The following GPR146 variants were observed in gnomAD, a reference collection of about 807,000 sequenced individuals.
GPR146 encodes G-protein coupled receptor 146.
For missense variants in GPR146, 381 were observed against 213.9 expected, an observed-to-expected ratio of 1.78 and a Z score of -4.87; for synonymous variants, 203 against 104.3, an observed-to-expected ratio of 1.95 and a Z score of -5.77.
Position 1,051,816 on chromosome 7 carries a change from T to C in GPR146, c.-24-5676T>C, listed in dbSNP as rs56257712. 0.018 allele frequency among the ~76,000 whole-genome samples: 2,805 copies of C among 152,190 alleles called. 116 individuals are homozygous for C. The East Asian group carries it at 0.19, about 10-fold the overall frequency. On this transcript the variant is annotated intron_variant, in intron 1 of 1. Transcript: ENST00000444847. ...TAGTGAGACCCTGTCTCAAAAAACG[T>C]TAAATGAAAACATTAGCCAGCTGTA...
chr7:1,050,254 T>C (rs1246586948), intron 1 of GPR146, among the ~76,000 whole-genome samples: 1 of 145,804 alleles, frequency 6.9e-6, no homozygotes, highest in Non-Finnish European at 1.6e-5. Flanking sequence ...TCACAGGTGG[T>C]CTGTCAGGGG....
intron 1 of GPR146, among the ~76,000 whole-genome samples, chr7:1,048,411 T>C (rs1290624906): frequency 2.0e-5 from 3 of 152,126 alleles, no homozygotes; most frequent in Non-Finnish European, 4.4e-5. Context: ...CTCTGTGCAG[T>C]GCAGGCGCTA....
Position 1,058,778 on chromosome 7 carries a change from T to A in GPR146, c.*261T>A. On this transcript the variant is annotated 3_prime_UTR_variant, in exon 2 of 2. Transcript: ENST00000444847. ...CTCAAGGTCCACATCCGCAAAAGCC[T>A]CCTCGCCTTCAGCCTCCTCAGCATT... 2.0e-6 allele frequency: 1 copy of A among 500,228 alleles called. No homozygotes were observed. The highest frequency in any genetic ancestry group is 3.6e-6 in the Non-Finnish European group (1 of 274,930). 31.0% of individuals were successfully genotyped at this position (500,228 alleles called of 1,614,324 possible).
Position 1,058,464 on chromosome 7 carries a change from G to A in GPR146, c.949G>A (p.Gly317Arg), listed in dbSNP as rs143014902. 4.4e-5 allele frequency: 34 copies of A among 780,254 alleles called. No homozygotes were observed. Among genetic ancestry groups the A allele is most frequent in the Non-Finnish European group, 7.2e-5 (30 of 418,130 alleles). The allele number at this position is 780,254 out of a possible 1,614,324, so 48.3% of individuals were successfully genotyped here. A position where few individuals can be genotyped will look rare whatever the true frequency, so the allele number is the denominator to read the frequency against. ...ACGGCTGATGAAAAAGCTGCCCTGC[G>A]GGGACCGGCACTGCTCCCCGGACCA... is the stretch of plus-strand genomic sequence containing the variant. Reference protein sequence around the residue: ...LQRLMKKLPCGDRHCSPDHMG... With the variant: ...LQRLMKKLPCRDRHCSPDHMG... Residue 317 changes from glycine to arginine, a missense_variant, in exon 2 of 2, where the codon GGG becomes AGG. Coordinates refer to ENST00000444847, the MANE Select transcript of GPR146 (RefSeq NM_001303473.2).
rs1418835178 is a variant in GPR146 at position 1,044,623 on chromosome 7, C to G, written c.-60C>G. 1.3e-5 allele frequency: 2 copies of G among 151,446 alleles called. No homozygotes were observed. Among genetic ancestry groups the G allele is most frequent in the Non-Finnish European group, 3.0e-5 (2 of 67,796 alleles). 9.4% of individuals were successfully genotyped at this position (151,446 alleles called of 1,614,324 possible). A position where few individuals can be genotyped will look rare whatever the true frequency, so the allele number is the denominator to read the frequency against. ...CCTCCGCCAGCCCGAGCTGCCCGCC[C>G]GGCGGCGACTGCGCCGGCCGCCGCC... On this transcript the variant is annotated 5_prime_UTR_variant, in exon 1 of 2. Coordinates refer to ENST00000444847, the MANE Select transcript of GPR146 (RefSeq NM_001303473.2).
intron 1 of GPR146, among the ~76,000 whole-genome samples, chr7:1,046,468 T>G (rs189243118): frequency 4.7e-4 from 72 of 152,312 alleles, no homozygotes; most frequent in Admixed American, 1.5e-3. Flanking sequence ...CTGACCAGCA[T>G]TAGGCTGTCC....
chr7:1,050,450 G>A (rs528485403), intron 1 of GPR146, among the ~76,000 whole-genome samples: 5 of 152,352 alleles, frequency 3.3e-5, no homozygotes, highest in African/African-American at 1.2e-4. Flanking sequence ...CTGTCCCATC[G>A]GTCCCTGTGG....
chr7:1,053,794 T>A (rs549491737), intron 1 of GPR146, among the ~76,000 whole-genome samples: 1 of 152,242 alleles, frequency 6.6e-6, no homozygotes, highest in African/African-American at 2.4e-5. Context: ...GCCACTGCAC[T>A]CCAGCCTGGG....
rs575491128 is a variant in GPR146 at position 1,058,467 on chromosome 7, G to T, written c.952G>T (p.Asp318Tyr). ...QRLMKKLPCG[D>Y]RHCSPDHMGV... The stretch of plus-strand genomic sequence containing the variant: ...GCTGATGAAAAAGCTGCCCTGCGGG[G>T]ACCGGCACTGCTCCCCGGACCACAT... Residue 318 changes from aspartate (D) to tyrosine (Y), a missense_variant, in exon 2 of 2, where the codon GAC becomes TAC. Physicochemically the swap from Asp to Tyr is radical, Grantham distance 160 (BLOSUM62 -3). Transcript: ENST00000444847. 1.8e-4 allele frequency: 139 copies of T among 780,348 alleles called. 3 individuals carry two copies. The highest frequency in any genetic ancestry group is 1.7e-3 in the South Asian group (130 of 74,614). 48.3% of individuals were successfully genotyped at this position (780,348 alleles called of 1,614,324 possible). A position where few individuals can be genotyped will look rare whatever the true frequency, so the allele number is the denominator to read the frequency against.
chr7:1,050,356 G>A (rs951647979), intron 1 of GPR146, among the ~76,000 whole-genome samples: 11 of 152,242 alleles, frequency 7.2e-5, no homozygotes, highest in Non-Finnish European at 1.2e-4. Flanking sequence ...GCAGGGAGCC[G>A]TCCACCTGCG....
At chr7:1,050,132 G>T (rs193181885) in intron 1 of GPR146, among the ~76,000 whole-genome samples, 87 of 152,338 alleles carry the variant, frequency 5.7e-4, no homozygotes, top group Non-Finnish European at 1.1e-3. Flanking sequence ...ACAGGCCTAC[G>T]GGCTCAGGGC....
In GPR146 at chr7:1,057,978, G is replaced by A. The variant is rs144702818; in HGVS notation, c.463G>A (p.Ala155Thr). Residue 155 changes from alanine (A) to threonine (T), a missense_variant, in exon 2 of 2, where the codon GCG (alanine) becomes ACG (threonine). Physicochemically the swap from Ala to Thr is moderately conservative, Grantham distance 58. Coordinates refer to ENST00000444847, the MANE Select transcript of GPR146 (RefSeq NM_001303473.2). ...RHVCGFVWGG[A>T]LLTSFSSLLF... ...CGTGTGCGGCTTCGTGTGGGGTGGC[G>A]CGCTGCTGACCAGCTTCTCCTCGCT... 8.6e-5 allele frequency: 66 copies of A among 770,900 alleles called. No individual in the cohort carries two copies. Among genetic ancestry groups the A allele is most frequent in the Non-Finnish European group, 1.3e-4 (54 of 417,932 alleles). 47.8% of individuals were successfully genotyped at this position (770,900 alleles called of 1,614,324 possible).
At chr7:1,047,648 G>A (rs889903553) in intron 1 of GPR146, among the ~76,000 whole-genome samples, 2 of 152,254 alleles carry the variant, frequency 1.3e-5, no homozygotes, top group Admixed American at 6.5e-5. Flanking sequence ...AAGGTTGAGC[G>A]TCTCATGGTG....
chr7:1,057,756 C>T lies in GPR146; in HGVS notation c.241C>T (p.Pro81Ser). 2 of 775,844 alleles carry T rather than the reference C, an allele frequency of 2.6e-6. No individual in the cohort carries two copies. The highest frequency in any genetic ancestry group is 4.8e-6 in the Non-Finnish European group (2 of 417,752). The allele number at this position is 775,844 out of a possible 1,614,324, so 48.1% of individuals were successfully genotyped here. ...VAGLVLSALA[P>S]VHLLGPPSSR... ...AGGCCTGGTGCTCAGCGCCCTGGCC[C>T]CTGTGCACCTGCTCGGCCCCCCGAG... The change falls in exon 2 of 2, where the codon CCT becomes TCT. Residue 81 changes from proline (P) to serine (S), a missense_variant. Coordinates refer to ENST00000444847, the MANE Select transcript of GPR146 (RefSeq NM_001303473.2).
chr7:1,045,302 G>A (rs1347414427), intron 1 of GPR146: 1 of 152,248 alleles, frequency 6.6e-6, no homozygotes, highest in Non-Finnish European at 1.5e-5. Flanking sequence ...GCTACGTGGT[G>A]GACCAGAGGA....
At chr7:1,046,830 G>A (rs937499810) in intron 1 of GPR146, among the ~76,000 whole-genome samples, 13 of 152,186 alleles carry the variant, frequency 8.5e-5, no homozygotes, top group Admixed American at 2.6e-4. Context: ...GACCACTGTC[G>A]CTACCACAGC....
At position 1,052,073 on chromosome 7, in the gene GPR146, G is replaced by C. The variant is rs1273958035; in HGVS notation, c.-24-5419G>C. Among the ~76,000 whole-genome samples the C allele has an allele frequency of 6.6e-6, 1 of 152,234 alleles. No homozygotes were observed. Among genetic ancestry groups the C allele is most frequent in the Non-Finnish European group, 1.5e-5 (1 of 68,044 alleles). ...GGGAAAATAAAACGATTGAAACTGG[G>C]CCATCTTGGACAGCTGAGGCCCAGG... is the stretch of plus-strand genomic sequence containing the variant. On this transcript the variant is annotated intron_variant, in intron 1 of 1. Transcript: ENST00000444847. This position sits in a 1 kb window ranked among gnomAD's most constrained non-coding sequence, Gnocchi z 4.2.
rs550590309 is a variant in GPR146 at position 1,058,602 on chromosome 7, G to C, written c.*85G>C. On this transcript the variant is annotated 3_prime_UTR_variant, in exon 2 of 2. Coordinates refer to ENST00000444847, the MANE Select transcript of GPR146 (RefSeq NM_001303473.2). ...GGACGCTCCCCACATCCTTCCAGAAGGAGACGAGCTGCTGGAAGAGAAGCA... is the reference window on the plus strand; with the variant it reads ...GGACGCTCCCCACATCCTTCCAGAACGAGACGAGCTGCTGGAAGAGAAGCA... 1 of 648,244 alleles carries C rather than the reference G, an allele frequency of 1.5e-6. No individual in the cohort carries two copies. The highest frequency in any genetic ancestry group is 2.8e-6 in the Non-Finnish European group (1 of 353,868). 40.2% of individuals were successfully genotyped at this position (648,244 alleles called of 1,614,324 possible).
rs1341293264 is a variant in GPR146, at chr7:1,057,611, G to A, written c.96G>A (p.Leu32=). ...TGGGGCTGTCACTGTTGTCGCTGCT[G>A]GGCCTGGTGGTGGGCGTGCCAGTGG... The part of the protein sequence containing the change: ...LQLGLSLLSL[L]GLVVGVPVGL... Residue 32 remains leucine (L), a synonymous_variant, in exon 2 of 2, where the codon CTG becomes CTA. Coordinates refer to ENST00000444847, the MANE Select transcript of GPR146 (RefSeq NM_001303473.2). 1.3e-6 allele frequency: 1 copy of A among 770,248 alleles called. No individual in the cohort carries two copies. Among genetic ancestry groups the A allele is most frequent in the Non-Finnish European group, 2.4e-6 (1 of 415,558 alleles). The allele number at this position is 770,248 out of a possible 1,614,324, so 47.7% of individuals were successfully genotyped here.
Sources: gnomAD v4.1 joint callset for allele counts (sites outside exome capture counted in the v4.1 genomes callset) on GRCh38, gnomAD v4.1.1 for gene constraint, Gnocchi (gnomAD v3.1) non-coding constraint, MANE v1.5 for transcripts, NCBI Gene and HGNC (gene_info 2026-07-23, HGNC 2026-07-21) for gene names.